The following NTM variants were observed in gnomAD, a reference collection of about 807,000 sequenced individuals.
NTM encodes the protein IgLON family member 2.
A neutral mutation model predicts 42.1 loss-of-function variants in NTM; 13 were observed. The observed-to-expected ratio is 0.31, with a 90% CI of 0.20 to 0.49. The LOEUF (loss-of-function observed/expected upper bound fraction) is 0.49. Among genes scored for constraint, NTM ranks in the 20% least tolerant of loss-of-function variants. The pLI is 0.99. For synonymous variants in NTM, 187 were observed against 179.2 expected (o/e 1.04, Z -0.35); for missense variants, 373 against 452.8 (o/e 0.82, Z 1.60).
At chr11:132,134,452 G>A (rs73593372) in intron 2 of NTM, among the ~76,000 whole-genome samples, 1 of 151,820 alleles carries the variant, frequency 6.6e-6, no homozygotes, top group African/African-American at 2.4e-5. Context: ...GTGTACCCAA[G>A]GTGTTGTCTT....
At position 131,561,839 on chromosome 11, in the gene NTM, T is replaced by A. The variant is rs190045277; in HGVS notation, c.82+190951T>A. On this transcript the variant is annotated intron_variant, in intron 1 of 8. Coordinates refer to ENST00000683400, the MANE Select transcript of NTM (RefSeq NM_001352005.2). ...TGTTTCCTTTGCCTCATCTATGAAA[T>A]CAGGCAAACAGGACTCACCCTTTAC... 5.3e-5 allele frequency among the ~76,000 whole-genome samples: 8 copies of A among 152,318 alleles called. No homozygotes were observed. The East Asian group carries it at 1.5e-3, about 29-fold the overall frequency.
chr11:131,948,268 G>A (rs921643266), intron 2 of NTM, among the ~76,000 whole-genome samples: 9 of 151,906 alleles, frequency 5.9e-5, no homozygotes, highest in African/African-American at 2.2e-4. Flanking sequence ...GGGAGGCTGA[G>A]GCAGGAGAAT....
At chr11:132,264,257 A>G (rs2093042845) in intron 4 of NTM, among the ~76,000 whole-genome samples, 2 of 152,114 alleles carry the variant, frequency 1.3e-5, no homozygotes, top group South Asian at 4.1e-4. Context: ...GCTATTGTGC[A>G]TATTTTTTCA....
At chr11:131,403,427 C>A (rs1339513663) in intron 1 of NTM, among the ~76,000 whole-genome samples, 1 of 152,028 alleles carries the variant, frequency 6.6e-6, no homozygotes, top group Non-Finnish European at 1.5e-5. Flanking sequence ...ATTTTTCTGG[C>A]AAAAATCTCA....
intron 2 of NTM, among the ~76,000 whole-genome samples, chr11:132,029,959 A>G (rs147224525): frequency 6.6e-6 from 1 of 152,348 alleles, no homozygotes; most frequent in Non-Finnish European, 1.5e-5. Context: ...TAACTAAGCT[A>G]TCATCCTTTA....
intron 4 of NTM, among the ~76,000 whole-genome samples, chr11:132,292,042 G>A (rs1292487267): frequency 6.6e-6 from 1 of 152,142 alleles, no homozygotes; most frequent in East Asian, 1.9e-4. Flanking sequence ...GACATTAGAA[G>A]GTGTGAAAAC....
At chr11:131,632,634 G>C (rs376250010) in intron 1 of NTM, among the ~76,000 whole-genome samples, 1 of 146,844 alleles carries the variant, frequency 6.8e-6, no homozygotes, top group South Asian at 2.1e-4. Context: ...TTGTAGAGCT[G>C]CCATAGCACT....
chr11:131,820,238 C>T (rs2093128612), intron 1 of NTM, among the ~76,000 whole-genome samples: 1 of 152,146 alleles, frequency 6.6e-6, no homozygotes, highest in East Asian at 1.9e-4. Context: ...CTGTCTGTCT[C>T]CCTCTGCCTT....
chr11:132,162,253 T>C (rs920093969), intron 3 of NTM, among the ~76,000 whole-genome samples: 2 of 151,284 alleles, frequency 1.3e-5, no homozygotes, highest in African/African-American at 4.9e-5. Flanking sequence ...TGTGAGTGTG[T>C]TTATGTTTGT....
At chr11:131,910,605 C>T (rs1441811251) in intron 1 of NTM, among the ~76,000 whole-genome samples, 1 of 150,792 alleles carries the variant, frequency 6.6e-6, no homozygotes, top group South Asian at 2.1e-4. Flanking sequence ...GGTCGGGGCC[C>T]GCGCGCGTCG....
At chr11:132,106,465 G>A (rs554104646) in intron 2 of NTM, among the ~76,000 whole-genome samples, 2 of 152,200 alleles carry the variant, frequency 1.3e-5, no homozygotes, top group East Asian at 1.9e-4. Flanking sequence ...CAAACTCTCC[G>A]CAGGAAGCAA....
At chr11:131,991,606 T>C (rs2067033712) in intron 2 of NTM, among the ~76,000 whole-genome samples, 1 of 152,272 alleles carries the variant, frequency 6.6e-6, no homozygotes, top group East Asian at 1.9e-4. Flanking sequence ...CCATGTCAAG[T>C]ATAAACATTT....
intron 1 of NTM, chr11:131,536,680 G>A (rs1354901422): frequency 6.6e-6 from 1 of 152,108 alleles, no homozygotes; most frequent in Non-Finnish European, 1.5e-5. Context: ...TCTACTTGAG[G>A]AAACATGATG....
At chr11:132,013,795 T>C (rs2072775201) in intron 2 of NTM, among the ~76,000 whole-genome samples, 1 of 152,146 alleles carries the variant, frequency 6.6e-6, no homozygotes, top group Non-Finnish European at 1.5e-5. Context: ...ACATATGATA[T>C]TTTGTTACGT....
At chr11:131,937,640 A>G (rs1343334268) in intron 2 of NTM, among the ~76,000 whole-genome samples, 2 of 152,204 alleles carry the variant, frequency 1.3e-5, no homozygotes. Flanking sequence ...CCATTTCTCT[A>G]GTTACAGACT....
chr11:131,674,673 G>T (rs1405151000), intron 1 of NTM, among the ~76,000 whole-genome samples: 1 of 152,166 alleles, frequency 6.6e-6, no homozygotes, highest in Non-Finnish European at 1.5e-5. Flanking sequence ...CAGCCTTATT[G>T]TTCCCATTTG....
chr11:132,263,048 C>T (rs1171782958), intron 4 of NTM, among the ~76,000 whole-genome samples: 1 of 152,224 alleles, frequency 6.6e-6, no homozygotes, highest in Non-Finnish European at 1.5e-5. Context: ...AGGCAAACTC[C>T]ATGAGATCTT....
At chr11:132,172,262 A>C (rs554098801) in intron 3 of NTM, among the ~76,000 whole-genome samples, 1 of 152,346 alleles carries the variant, frequency 6.6e-6, no homozygotes, top group South Asian at 2.1e-4. Context: ...CATTATTACC[A>C]ATTGACAGAT....
intron 1 of NTM, among the ~76,000 whole-genome samples, chr11:131,634,128 T>C (rs564240583): frequency 6.6e-6 from 1 of 152,324 alleles, no homozygotes; most frequent in South Asian, 2.1e-4. Context: ...GAGTGGTTGG[T>C]AAATTCTATT....
Sources: gnomAD v4.1 joint callset for allele counts (sites outside exome capture counted in the v4.1 genomes callset) on GRCh38, gnomAD v4.1.1 for gene constraint, MANE v1.5 for transcripts, NCBI Gene and HGNC (gene_info 2026-07-23, HGNC 2026-07-21) for gene names.